The following UPRT variants were observed in gnomAD, a reference collection of about 807,000 sequenced individuals.
UPRT encodes uracil phosphoribosyltransferase homolog, also known as RP11-311P8.3.
In UPRT, 5 loss-of-function variants were observed where a neutral mutation model predicts 22.6. That is an observed-to-expected ratio of 0.22 (90% CI 0.12 to 0.47). The LOEUF (loss-of-function observed/expected upper bound fraction) is 0.47, where lower values mean the gene tolerates loss of function less well. Among genes scored for constraint, UPRT ranks in the 20% least tolerant of loss-of-function variants. The probability of loss-of-function intolerance (pLI) is 0.99; values close to 1 mark genes in which losing one functional copy is unlikely to be tolerated. For synonymous variants in UPRT, 77 were observed against 87.7 expected (o/e 0.88, Z 0.68); for missense variants, 181 against 239.9 (o/e 0.75, Z 1.62).
intron 2 of UPRT, chrX:75,294,576 AT>A (rs2082719082): frequency 1.0e-6 from 1 of 985,572 alleles, no homozygotes; most frequent in South Asian, 2.0e-5. Context: ...TTGCCTGAGG[AT>A]TTATTCCAAA....
chrX:75,295,552 T>A (rs892206044), intron 2 of UPRT, among the ~76,000 whole-genome samples: 1 of 111,913 alleles, frequency 8.9e-6, no homozygotes, highest in African/African-American at 3.2e-5. Context: ...GGCAGCAGGG[T>A]GTTATTATAT....
intron 4 of UPRT, among the ~76,000 whole-genome samples, chrX:75,241,201 C>A (rs188765170): frequency 6.3e-5 from 7 of 111,413 alleles, no homozygotes; most frequent in African/African-American, 2.0e-4. Flanking sequence ...TATCCAGAAT[C>A]TCCAAGGAGC....
At chrX:75,286,385 G>C (rs762021994) in intron 1 of UPRT, among the ~76,000 whole-genome samples, 1 of 109,458 alleles carries the variant, frequency 9.1e-6, no homozygotes, top group Non-Finnish European at 1.9e-5. Context: ...CCTGCCCCTC[G>C]CCCCATATGC....
chrX:75,244,099 A>G (rs1340391620), intron 4 of UPRT, among the ~76,000 whole-genome samples: 1 of 111,668 alleles, frequency 9.0e-6, no homozygotes, highest in Non-Finnish European at 1.9e-5. Context: ...CTAACAGTGT[A>G]CTGACCTGGA....
At chrX:75,247,548 T>C (rs2082511221) in intron 4 of UPRT, among the ~76,000 whole-genome samples, 1 of 111,949 alleles carries the variant, frequency 8.9e-6, no homozygotes, top group Admixed American at 9.5e-5. Flanking sequence ...CACCAGATAT[T>C]GCCGAGGCTT....
chrX:75,225,883 C>A (rs1273936010), intron 4 of UPRT, among the ~76,000 whole-genome samples: 1 of 111,031 alleles, frequency 9.0e-6, no homozygotes, highest in African/African-American at 3.3e-5. Flanking sequence ...GGACCTATCC[C>A]CCTAAACTTG....
At chrX:75,240,130 C>G (rs769033512) in intron 4 of UPRT, among the ~76,000 whole-genome samples, 26 of 111,216 alleles carry the variant, frequency 2.3e-4, no homozygotes, top group Non-Finnish European at 4.3e-4. Context: ...TAAAGGGTAT[C>G]CACATTGGTA....
At chrX:75,235,304 C>T (rs1200587811) in intron 4 of UPRT, among the ~76,000 whole-genome samples, 1 of 111,443 alleles carries the variant, frequency 9.0e-6, no homozygotes, top group East Asian at 2.8e-4. Context: ...AATAGCTTAC[C>T]AACCAAAAAG....
At chrX:75,282,625 G>A (rs1355065784) in intron 1 of UPRT, among the ~76,000 whole-genome samples, 4 of 111,619 alleles carry the variant, frequency 3.6e-5, no homozygotes, top group Non-Finnish European at 7.5e-5. Context: ...ATTCCACTGC[G>A]GTCTGAGAGA....
At position 75,255,828 on chromosome X, in the gene UPRT, T is replaced by A. The variant is rs181283140; in HGVS notation, c.-446-35196T>A. Reference sequence around the variant, plus strand: ...GGAAAGTATCACAATCCTAAACATATATGCACTTAACACTGGAGCTCTTAA... The same window carrying A: ...GGAAAGTATCACAATCCTAAACATAAATGCACTTAACACTGGAGCTCTTAA... On this transcript the variant is annotated intron_variant, in intron 4 of 13. Coordinates refer to the UPRT transcript ENST00000652605. 2.5e-4 allele frequency among the ~76,000 whole-genome samples: 28 copies of A among 111,828 alleles called. No homozygotes were observed. The East Asian group carries it at 3.9e-3, about 16-fold the overall frequency.
At chrX:75,182,900 T>C (rs2082275630) in intron 4 of UPRT, among the ~76,000 whole-genome samples, 1 of 111,242 alleles carries the variant, frequency 9.0e-6, no homozygotes, top group South Asian at 3.8e-4. Context: ...TGATATTGGT[T>C]TGCTCTTGTT....
At chrX:75,175,564 C>A (rs1392814951) in intron 4 of UPRT, among the ~76,000 whole-genome samples, 1 of 111,716 alleles carries the variant, frequency 9.0e-6, no homozygotes, top group Non-Finnish European at 1.9e-5. Flanking sequence ...AGGGTGATGA[C>A]ATGAGCTGGC....
At chrX:75,225,362 C>CAT in intron 4 of UPRT, among the ~76,000 whole-genome samples, 1 of 109,581 alleles carries the variant, frequency 9.1e-6, no homozygotes, top group East Asian at 2.9e-4. Flanking sequence ...CACACACACA[C>CAT]ACACCCTAGG....
At chrX:75,169,508 T>A (rs1031575573) in intron 4 of UPRT, among the ~76,000 whole-genome samples, 2 of 112,164 alleles carry the variant, frequency 1.8e-5, no homozygotes, top group Non-Finnish European at 1.9e-5. Context: ...GATTTTAATT[T>A]CCATCTTGAT....
chrX:75,173,745 G>A lies in UPRT; in HGVS notation c.-447+5866G>A, dbSNP rs770350152. Among the ~76,000 whole-genome samples, 6 of 111,903 alleles carry A rather than the reference G, an allele frequency of 5.4e-5. No homozygotes were observed. The East Asian group carries it at 1.1e-3, about 21-fold the overall frequency. ...CTGCAGGTCCTGAGCCCTGCCCCGC[G>A]GGAAGGCAGCTAAGGCTCGGTGAGA... On this transcript the variant is annotated intron_variant, in intron 4 of 13. Transcript: ENST00000652605.
Position 75,177,510 on chromosome X carries a change from T to C in UPRT, c.-447+9631T>C, listed in dbSNP as rs756895371. Among the ~76,000 whole-genome samples, 12 of 110,934 alleles carry C rather than the reference T, an allele frequency of 1.1e-4. No individual in the cohort carries two copies. In the East Asian group the frequency reaches 3.4e-3, roughly 32 times the overall value. ...CAAAAACCTGTTAGAGTCCTAAGCATTCTCCTGTTAGTATTGGGACTTTAC... is the reference window on the plus strand; with the variant it reads ...CAAAAACCTGTTAGAGTCCTAAGCACTCTCCTGTTAGTATTGGGACTTTAC... On this transcript the variant is annotated intron_variant, in intron 4 of 13. Transcript: ENST00000652605.
intron 4 of UPRT, among the ~76,000 whole-genome samples, chrX:75,235,929 T>C (rs1011206329): frequency 9.0e-6 from 1 of 111,330 alleles, no homozygotes; most frequent in Non-Finnish European, 1.9e-5. Flanking sequence ...TTCAACATTG[T>C]GTTGGAAGTT....
chrX:75,192,142 C>T (rs999494701), intron 4 of UPRT, among the ~76,000 whole-genome samples: 19 of 111,563 alleles, frequency 1.7e-4, no homozygotes, highest in South Asian at 3.8e-4. Context: ...TGTTTGTAAC[C>T]GAGAGATTCT....
At chrX:75,185,310 T>G (rs1178856614) in intron 4 of UPRT, among the ~76,000 whole-genome samples, 1 of 112,301 alleles carries the variant, frequency 8.9e-6, no homozygotes. Flanking sequence ...TCTGTGTATA[T>G]GCTGGATTAC....
Sources: gnomAD v4.1 joint callset for allele counts (sites outside exome capture counted in the v4.1 genomes callset) on GRCh38, gnomAD v4.1.1 for gene constraint, MANE v1.5 for transcripts, NCBI Gene and HGNC (gene_info 2026-07-23, HGNC 2026-07-21) for gene names.